Variants in VPS26C observed in about 807,000 individuals in gnomAD.
VPS26C encodes VPS26 endosomal protein sorting factor C, also known as vacuolar protein sorting-associated protein 26C.
Under a neutral mutation model 30.6 loss-of-function variants are expected in VPS26C, and 19 were observed. That is an observed-to-expected ratio of 0.62 (90% CI 0.43 to 0.91). VPS26C has a LOEUF of 0.91. VPS26C is among the 40% of genes least tolerant of loss of function. VPS26C has a pLI of 0.00. For missense variants in VPS26C, 318 were observed against 385.1 expected (o/e 0.83, Z 1.46); for synonymous variants, 132 against 151.5 (o/e 0.87, Z 0.95).
chr21:37,258,460 C>T (rs1186632297), intron 1 of VPS26C, among the ~76,000 whole-genome samples: 2 of 152,240 alleles, frequency 1.3e-5, no homozygotes, highest in African/African-American at 4.8e-5. Flanking sequence ...CTGATGAACG[C>T]GCGGTGGGGA....
rs185660993 is a variant in VPS26C at position 37,227,871 on chromosome 21, C to T, written c.659-65G>A. ...GAGGCTGCGGGGTCCACATCCGCAC[C>T]GGCACCACCCACCAGTCTGCTCCAA... On this transcript the variant is annotated intron_variant, in intron 6 of 7. Transcript: ENST00000309117. 3.2e-4 allele frequency: 507 copies of T among 1,587,864 alleles called. 4 individuals carry two copies. In the African/African-American group the frequency reaches 5.9e-3, roughly 18 times the overall value.
At chr21:37,239,089 C>A (rs2086056577) in intron 2 of VPS26C, among the ~76,000 whole-genome samples, 1 of 152,216 alleles carries the variant, frequency 6.6e-6, no homozygotes. Context: ...GGAGAGCAGG[C>A]CTTTCCTCCA....
intron 7 of VPS26C, chr21:37,225,910 C>A: frequency 2.1e-6 from 1 of 471,234 alleles, no homozygotes; most frequent in Non-Finnish European, 3.9e-6. Context: ...TTTCCCTGTC[C>A]CTTTGCTTTC....
At chr21:37,267,134 C>G in intron 1 of VPS26C, 104 bp downstream of exon 1, 1 of 1,072,164 alleles carries the variant, frequency 9.3e-7, no homozygotes, top group Non-Finnish European at 1.4e-6. Context: ...GCGGGACAGC[C>G]CTGCCCCGCC....
At chr21:37,236,138 G>C (rs2086021204) in intron 3 of VPS26C, among the ~76,000 whole-genome samples, 1 of 152,122 alleles carries the variant, frequency 6.6e-6, no homozygotes, top group Non-Finnish European at 1.5e-5. Flanking sequence ...ATTTAAGAAA[G>C]ATGATATTAG....
chr21:37,232,327 C>G, intron 5 of VPS26C, 50 bp downstream of exon 5: 1 of 1,540,166 alleles, frequency 6.5e-7, no homozygotes, highest in Non-Finnish European at 9.0e-7. Flanking sequence ...TCCGTGGGGT[C>G]TGGCTGCTGG....
At chr21:37,264,171 TA>T (rs1381198656) in intron 1 of VPS26C, among the ~76,000 whole-genome samples, 2 of 152,234 alleles carry the variant, frequency 1.3e-5, no homozygotes, top group African/African-American at 4.8e-5. Context: ...TGTCGCCTTT[TA>T]AAAAAACATA....
chr21:37,235,694 GA>G (rs2086013026), intron 3 of VPS26C, among the ~76,000 whole-genome samples: 1 of 151,882 alleles, frequency 6.6e-6, no homozygotes, highest in Non-Finnish European at 1.5e-5. Flanking sequence ...ATGATCATAT[GA>G]AGTATCTAGT....
At chr21:37,240,711 T>C (rs1447947965) in intron 1 of VPS26C, 72 bp from the exon 2 acceptor site, 8 of 1,539,386 alleles carry the variant, frequency 5.2e-6, no homozygotes, top group Admixed American at 2.0e-5. Context: ...TTAGCAAACG[T>C]AGGTCTCCTT....
intron 3 of VPS26C, 148 bp downstream of exon 3, chr21:37,238,312 G>GA: frequency 1.1e-6 from 1 of 888,206 alleles, no homozygotes; most frequent in Non-Finnish European, 1.7e-6. Context: ...AGGGAAATGA[G>GA]AAATTAACGT....
intron 3 of VPS26C, among the ~76,000 whole-genome samples, chr21:37,235,843 A>ATG (rs1378481619): frequency 5.0e-5 from 5 of 100,898 alleles, no homozygotes; most frequent in African/African-American, 8.2e-5. Context: ...ATGTGTGTAT[A>ATG]TGTGTGTGTA....
intron 1 of VPS26C, among the ~76,000 whole-genome samples, chr21:37,242,370 G>C (rs1329601292): frequency 6.6e-6 from 1 of 152,190 alleles, no homozygotes; most frequent in Non-Finnish European, 1.5e-5. Context: ...GCTAAGGCAG[G>C]AGGATCACTT....
intron 5 of VPS26C, among the ~76,000 whole-genome samples, chr21:37,231,229 C>T (rs992579088): frequency 6.6e-6 from 1 of 152,196 alleles, no homozygotes; most frequent in African/African-American, 2.4e-5. Context: ...ACACACTCGA[C>T]AAACAGAACC....
chr21:37,257,771 G>GGAGGAC lies in VPS26C; in HGVS notation c.57+9461_57+9466dup, dbSNP rs1169093223. On this transcript the variant is annotated intron_variant, in intron 1 of 7. Transcript: ENST00000309117. This position sits in a 1 kb window ranked among gnomAD's most constrained non-coding sequence, Gnocchi z 4.2. ...GGGGAGCGAGGGTACCAGAGGCGTG[G>GGAGGAC]GAGGACGGGGACAAAGGGGCAGCAA... Among the ~76,000 whole-genome samples the GGAGGAC allele has an allele frequency of 6.6e-6, 1 of 152,192 alleles. No homozygotes were observed. Among genetic ancestry groups the GGAGGAC allele is most frequent in the African/African-American group, 2.4e-5 (1 of 41,442 alleles).
chr21:37,241,440 CA>C (rs1440473009), intron 1 of VPS26C, among the ~76,000 whole-genome samples: 2 of 152,132 alleles, frequency 1.3e-5, no homozygotes. Context: ...CAATCTGTTA[CA>C]GGGGCTCGAG....
rs1268313687 is a variant in VPS26C, at chr21:37,257,096, C to CA, written c.57+10141dup. On this transcript the variant is annotated intron_variant, in intron 1 of 7. Coordinates refer to ENST00000309117, the MANE Select transcript of VPS26C (RefSeq NM_006052.2). The surrounding 1 kb of genome is among the most constrained non-coding windows in gnomAD (Gnocchi z 4.2). ...GCAGTGAGCTGAGACTGTACCACTG[C>CA]ACTCCAGCCTGGGTGACAGAGTGAG... 6.6e-6 allele frequency among the ~76,000 whole-genome samples: 1 copy of CA among 152,118 alleles called. No homozygotes were observed. Among genetic ancestry groups the CA allele is most frequent in the Non-Finnish European group, 1.5e-5 (1 of 68,018 alleles).
intron 1 of VPS26C, among the ~76,000 whole-genome samples, chr21:37,240,997 C>G (rs1413396260): frequency 6.6e-6 from 1 of 152,208 alleles, no homozygotes; most frequent in African/African-American, 2.4e-5. Flanking sequence ...CCAGTGATAT[C>G]ACACATGGGC....
At chr21:37,266,121 T>G (rs1034989756) in intron 1 of VPS26C, among the ~76,000 whole-genome samples, 25 of 152,060 alleles carry the variant, frequency 1.6e-4, no homozygotes, top group African/African-American at 6.0e-4. Flanking sequence ...TTTCACCATG[T>G]TGGCCAGGCT....
At chr21:37,250,291 T>TG (rs1223946004) in intron 1 of VPS26C, among the ~76,000 whole-genome samples, 2 of 150,304 alleles carry the variant, frequency 1.3e-5, no homozygotes, top group Non-Finnish European at 3.0e-5. Context: ...GGTGATAGAG[T>TG]AAGACTCTCT....
Sources: gnomAD v4.1 joint callset for allele counts (sites outside exome capture counted in the v4.1 genomes callset) on GRCh38, gnomAD v4.1.1 for gene constraint, Gnocchi (gnomAD v3.1) non-coding constraint, MANE v1.5 for transcripts, NCBI Gene and HGNC (gene_info 2026-07-23, HGNC 2026-07-21) for gene names.